The following RUNDC3B variants were observed in gnomAD, a reference collection of about 807,000 sequenced individuals.
The protein encoded by RUNDC3B is RUN domain-containing protein 3B.
In RUNDC3B, 33 loss-of-function variants were observed where a neutral mutation model predicts 58.4. The ratio of observed to expected loss-of-function variants is 0.56; its 90% CI spans 0.43 to 0.75. The LOEUF (loss-of-function observed/expected upper bound fraction) is 0.75. Ranked by LOEUF, RUNDC3B falls within the 30% of genes least tolerant of loss-of-function variation. The pLI is 0.00. For synonymous variants in RUNDC3B, 193 were observed against 195.2 expected (o/e 0.99, Z 0.10); for missense variants, 501 against 535.7 (o/e 0.94, Z 0.64).
In RUNDC3B at chr7:87,831,521, G is replaced by A. The variant is rs2130987531; in HGVS notation, c.*1491G>A. The A allele has an allele frequency of 6.6e-6, 1 of 152,066 alleles. No homozygotes were observed. Among genetic ancestry groups the A allele is most frequent in the Middle Eastern group, 3.4e-3 (1 of 294 alleles). The allele number at this position is 152,066 out of a possible 1,614,324, so 9.4% of individuals were successfully genotyped here. A position where few individuals can be genotyped will look rare whatever the true frequency, so the allele number is the denominator to read the frequency against. On this transcript the variant is annotated 3_prime_UTR_variant, in exon 11 of 11. Transcript: ENST00000394654. ...AAAATAAGTTATCTTAGATGTGCCA[G>A]AACATATTCAGAGCTTTATTCCTTT...
chr7:87,728,646 C>A (rs1458296912), intron 4 of RUNDC3B, among the ~76,000 whole-genome samples: 1 of 152,218 alleles, frequency 6.6e-6, no homozygotes, highest in Admixed American at 6.5e-5. Context: ...TTCTTGATTA[C>A]ATCAGACCCA....
chr7:87,704,809 G>T (rs772202103), intron 3 of RUNDC3B, among the ~76,000 whole-genome samples: 9 of 152,174 alleles, frequency 5.9e-5, no homozygotes, highest in South Asian at 2.1e-4. Flanking sequence ...TTTATTCATT[G>T]CAATGAAAAG....
At chr7:87,726,883 CTGTT>C (rs745674862) in intron 4 of RUNDC3B, among the ~76,000 whole-genome samples, 4 of 152,192 alleles carry the variant, frequency 2.6e-5, no homozygotes, top group South Asian at 2.1e-4. Flanking sequence ...ATTTGGCTCT[CTGTT>C]TGTCTGTTAT....
At chr7:87,816,315 T>A in intron 10 of RUNDC3B, 53 bp downstream of exon 10, 1 of 1,480,540 alleles carries the variant, frequency 6.8e-7, no homozygotes, top group East Asian at 2.3e-5. Flanking sequence ...ACCATCTATA[T>A]TTTGGTTGCA....
chr7:87,640,999 T>A (rs1822395380), intron 1 of RUNDC3B, among the ~76,000 whole-genome samples: 1 of 152,212 alleles, frequency 6.6e-6, no homozygotes, highest in African/African-American at 2.4e-5. Context: ...TTTAGAATTT[T>A]GAATTATCTT....
intron 8 of RUNDC3B, among the ~76,000 whole-genome samples, chr7:87,790,085 G>A (rs1158723486): frequency 1.3e-5 from 2 of 152,180 alleles, no homozygotes; most frequent in Non-Finnish European, 2.9e-5. Context: ...ACCCAGTGCT[G>A]TCCTAGCTTC....
At position 87,656,439 on chromosome 7, in the gene RUNDC3B, G is replaced by C. The variant is rs112144229; in HGVS notation, c.238+5502G>C. On this transcript the variant is annotated intron_variant, in intron 2 of 10. Coordinates refer to ENST00000394654, the MANE Select transcript of RUNDC3B (RefSeq NM_001134405.2). ...AAGCTGAGGACTGGAACGATGCAGA[G>C]ATTCCAGTCTGGATGTGGTCATTAC... Among the ~76,000 whole-genome samples the C allele has an allele frequency of 6.1e-3, 932 of 152,162 alleles. 10 individuals carry two copies. The highest frequency in any genetic ancestry group is 0.01 in the Non-Finnish European group (687 of 67,982).
At chr7:87,773,220 A>G (rs6465119) in intron 7 of RUNDC3B, among the ~76,000 whole-genome samples, 95,077 of 151,340 alleles carry the variant, frequency 0.63, 31,791 homozygotes, top group African/African-American at 0.88. Flanking sequence ...CTACTCGGGA[A>G]GCTGAGGCAG....
chr7:87,694,100 GTTT>G, intron 2 of RUNDC3B: 20 of 1,175,770 alleles, frequency 1.7e-5, no homozygotes, highest in Admixed American at 3.3e-5. Context: ...GTGTGTTTTT[GTTT>G]TTTTTTTTTA....
intron 4 of RUNDC3B, among the ~76,000 whole-genome samples, chr7:87,732,190 A>C (rs560608100): frequency 6.6e-6 from 1 of 152,282 alleles, no homozygotes; most frequent in East Asian, 1.9e-4. Flanking sequence ...TTAAGAAGAA[A>C]ATTTAAAAAA....
At chr7:87,809,618 T>C (rs1836605700) in intron 9 of RUNDC3B, among the ~76,000 whole-genome samples, 1 of 152,220 alleles carries the variant, frequency 6.6e-6, no homozygotes, top group Non-Finnish European at 1.5e-5. Flanking sequence ...TACTCTAATG[T>C]AATCCTGTAT....
chr7:87,652,621 G>GATATATATATATAT lies in RUNDC3B; in HGVS notation c.238+1696_238+1709dup, dbSNP rs373344881. Among the ~76,000 whole-genome samples, 542 of 125,360 alleles carry GATATATATATATAT rather than the reference G, an allele frequency of 4.3e-3. 14 individuals carry two copies. Among genetic ancestry groups the GATATATATATATAT allele is most frequent in the African/African-American group, 0.014 (396 of 29,104 alleles). The allele number at this position is 125,360 out of a possible 152,430, so 82.2% of individuals were successfully genotyped here. A position where few individuals can be genotyped will look rare whatever the true frequency, so the allele number is the denominator to read the frequency against. On this transcript the variant is annotated intron_variant, in intron 2 of 10. Coordinates refer to ENST00000394654, the MANE Select transcript of RUNDC3B (RefSeq NM_001134405.2). Reference sequence around the variant, plus strand: ...CTGTCAGTTGACTCTTGTGGTCACTGATATATATATATATATATATATATA... The same window carrying GATATATATATATAT: ...CTGTCAGTTGACTCTTGTGGTCACTGATATATATATATATATATATATATATATATATATATATA...
intron 1 of RUNDC3B, among the ~76,000 whole-genome samples, chr7:87,648,325 T>C (rs1193450057): frequency 2.0e-5 from 3 of 152,034 alleles, no homozygotes; most frequent in Non-Finnish European, 4.4e-5. Context: ...AATCTAGATA[T>C]GCAGCCAAAG....
chr7:87,815,903 G>A (rs893313304), intron 9 of RUNDC3B, among the ~76,000 whole-genome samples: 1 of 151,970 alleles, frequency 6.6e-6, no homozygotes, highest in Non-Finnish European at 1.5e-5. Context: ...TGAAGATTAT[G>A]TCTGACAAAC....
At chr7:87,742,014 T>G (rs1322411981) in intron 6 of RUNDC3B, among the ~76,000 whole-genome samples, 1 of 152,190 alleles carries the variant, frequency 6.6e-6, no homozygotes, top group Admixed American at 6.5e-5. Flanking sequence ...CCAGATAAAT[T>G]ATCTGAAAAA....
At chr7:87,748,616 A>G (rs1832787302) in intron 6 of RUNDC3B, among the ~76,000 whole-genome samples, 1 of 152,180 alleles carries the variant, frequency 6.6e-6, no homozygotes. Context: ...ACACACACAC[A>G]TTCAAAATGC....
chr7:87,676,316 C>T (rs1029234033), intron 2 of RUNDC3B, among the ~76,000 whole-genome samples: 31 of 152,144 alleles, frequency 2.0e-4, no homozygotes, highest in Non-Finnish European at 2.2e-4. Flanking sequence ...TGAGAGATAA[C>T]ATGTGTAAAC....
intron 8 of RUNDC3B, among the ~76,000 whole-genome samples, chr7:87,806,571 A>G (rs563631428): frequency 1.6e-4 from 25 of 152,282 alleles, no homozygotes; most frequent in Non-Finnish European, 2.9e-4. Flanking sequence ...CATCAACTTA[A>G]ATGTTGAATT....
At position 87,699,185 on chromosome 7, in the gene RUNDC3B, CT is replaced by C. The variant is rs566870191; in HGVS notation, c.239-1235del. 3.0e-3 allele frequency among the ~76,000 whole-genome samples: 454 copies of C among 152,110 alleles called. 2 individuals carry two copies. Among genetic ancestry groups the C allele is most frequent in the African/African-American group, 0.011 (438 of 41,500 alleles). ...TGATGTTGCTGTAGAGAAGTAATTACTGAGGAAGGGAGGATTTAAAGTAAAT... is the reference window on the plus strand; with the variant it reads ...TGATGTTGCTGTAGAGAAGTAATTACGAGGAAGGGAGGATTTAAAGTAAAT... On this transcript the variant is annotated intron_variant, in intron 2 of 10. Coordinates refer to ENST00000394654, the MANE Select transcript of RUNDC3B (RefSeq NM_001134405.2).
Sources: gnomAD v4.1 joint callset for allele counts (sites outside exome capture counted in the v4.1 genomes callset) on GRCh38, gnomAD v4.1.1 for gene constraint, MANE v1.5 for transcripts, NCBI Gene and HGNC (gene_info 2026-07-23, HGNC 2026-07-21) for gene names.